The following SLCO3A1 variants were observed in gnomAD, a reference collection of about 807,000 sequenced individuals.
SLCO3A1 encodes solute carrier organic anion transporter family member 3A1, also known as PGE1 transporter.
SLCO3A1 carries 27 observed loss-of-function variants against 63.1 expected under a neutral mutation model. The observed-to-expected ratio is 0.43, with a 90% confidence interval of 0.32 to 0.59. The LOEUF is 0.59. Ranked by LOEUF, SLCO3A1 falls within the 20% of genes least tolerant of loss-of-function variation. The probability of loss-of-function intolerance (pLI) is 0.09; values close to 1 mark genes in which losing one functional copy is unlikely to be tolerated. For missense variants in SLCO3A1, 773 were observed against 945.8 expected, an observed-to-expected ratio of 0.82 and a Z score of 2.40; for synonymous variants, 473 against 409.9, an observed-to-expected ratio of 1.15 and a Z score of -1.86.
intron 2 of SLCO3A1, among the ~76,000 whole-genome samples, chr15:92,038,131 A>G (rs1165057752): frequency 1.3e-5 from 2 of 152,226 alleles, no homozygotes; most frequent in African/African-American, 4.8e-5. Flanking sequence ...AGGAAGCAGT[A>G]GAGAATGTGA....
At position 91,991,904 on chromosome 15, in the gene SLCO3A1, CA is replaced by C. The variant is rs544645719; in HGVS notation, c.646+75449del. ...TAGATAAGTTGAATTGGGGGTAATC[CA>C]AAGTCAAAGATAGTAAATCTGAGAA... is the stretch of plus-strand genomic sequence containing the variant. On this transcript the variant is annotated intron_variant, in intron 2 of 9. Transcript: ENST00000318445. Among the ~76,000 whole-genome samples the C allele has an allele frequency of 8.6e-5, 13 of 151,646 alleles. No homozygotes were observed. In the South Asian group the frequency reaches 2.7e-3, roughly 32 times the overall value.
intron 7 of SLCO3A1, among the ~76,000 whole-genome samples, chr15:92,144,371 TG>T (rs112691844): frequency 3.3e-5 from 5 of 152,316 alleles, no homozygotes; most frequent in African/African-American, 1.2e-4. Flanking sequence ...AGGCCAGTTA[TG>T]AGGAGATGCC....
At chr15:92,117,322 G>A (rs748048038) in intron 4 of SLCO3A1, among the ~76,000 whole-genome samples, 23 of 152,142 alleles carry the variant, frequency 1.5e-4, no homozygotes, top group Non-Finnish European at 2.1e-4. Flanking sequence ...GCCTCAGCCC[G>A]GCAGCAGTTT....
At chr15:91,958,716 T>A (rs1020720321) in intron 2 of SLCO3A1, among the ~76,000 whole-genome samples, 1 of 152,146 alleles carries the variant, frequency 6.6e-6, no homozygotes, top group African/African-American at 2.4e-5. Flanking sequence ...CACAATGATA[T>A]AGATACCACC....
chr15:91,988,116 C>T (rs957636004), intron 2 of SLCO3A1, among the ~76,000 whole-genome samples: 3 of 152,178 alleles, frequency 2.0e-5, no homozygotes, highest in African/African-American at 4.8e-5. Context: ...TGAAAAATGG[C>T]GTAGGGTTGG....
intron 2 of SLCO3A1, among the ~76,000 whole-genome samples, chr15:92,068,160 G>A (rs769053792): frequency 3.9e-5 from 6 of 152,196 alleles, no homozygotes; most frequent in East Asian, 1.9e-4. Context: ...ACTGCCAAGC[G>A]AAATCAGATG....
chr15:92,108,540 A>G (rs2047691700), intron 4 of SLCO3A1, among the ~76,000 whole-genome samples: 1 of 152,248 alleles, frequency 6.6e-6, no homozygotes, highest in Non-Finnish European at 1.5e-5. Flanking sequence ...GAGGGACTGT[A>G]ATAGACATAC....
chr15:91,880,098 T>TATCC (rs1555446359), intron 1 of SLCO3A1, among the ~76,000 whole-genome samples: 10,715 of 96,938 alleles, frequency 0.11, 661 homozygotes, highest in Admixed American at 0.14. Context: ...CTTGTATGTG[T>TATCC]GTCCGTCCGT....
chr15:92,061,445 C>G (rs2047085434), intron 2 of SLCO3A1, among the ~76,000 whole-genome samples: 1 of 152,212 alleles, frequency 6.6e-6, no homozygotes, highest in African/African-American at 2.4e-5. Context: ...GCATTTGATT[C>G]AAACTCCTAG....
rs2151351393 is a variant in SLCO3A1, at chr15:91,886,047, C to T, written c.181-29946C>T. Among the ~76,000 whole-genome samples the T allele has an allele frequency of 6.6e-6, 1 of 152,164 alleles. No individual in the cohort carries two copies. Among genetic ancestry groups the T allele is most frequent in the South Asian group, 2.1e-4 (1 of 4,814 alleles). On this transcript the variant is annotated intron_variant, in intron 1 of 9. Coordinates refer to ENST00000318445, the MANE Select transcript of SLCO3A1 (RefSeq NM_013272.4). This position sits in a 1 kb window ranked among gnomAD's most constrained non-coding sequence, Gnocchi z 4.9. ...ACCAGACCCGGCAGGCCCCTGTGAG[C>T]CACAGGGAGGCAGAGTTGGTCCCTT...
rs921815703 is a variant in SLCO3A1, at chr15:91,954,198, C to T, written c.646+37740C>T. Among the ~76,000 whole-genome samples, 1 of 152,142 alleles carries T rather than the reference C, an allele frequency of 6.6e-6. No individual in the cohort carries two copies. The highest frequency in any genetic ancestry group is 6.5e-5 in the Admixed American group (1 of 15,272). On this transcript the variant is annotated intron_variant, in intron 2 of 9. Coordinates refer to ENST00000318445, the MANE Select transcript of SLCO3A1 (RefSeq NM_013272.4). This position sits in a 1 kb window ranked among gnomAD's most constrained non-coding sequence, Gnocchi z 4.7. Reference sequence around the variant, plus strand: ...TCTGCTCAAGGGTGTTAGAGACAGACCCCTAGGGGTTTCTGAACCACGCAC... The same window carrying T: ...TCTGCTCAAGGGTGTTAGAGACAGATCCCTAGGGGTTTCTGAACCACGCAC...
chr15:92,160,595 T>C (rs2048423702), intron 9 of SLCO3A1, among the ~76,000 whole-genome samples: 1 of 152,178 alleles, frequency 6.6e-6, no homozygotes, highest in South Asian at 2.1e-4. Flanking sequence ...TAAATCGAGC[T>C]GCTTGGGAAG....
At chr15:91,999,795 G>A (rs1238204641) in intron 2 of SLCO3A1, among the ~76,000 whole-genome samples, 2 of 151,940 alleles carry the variant, frequency 1.3e-5, no homozygotes, top group Non-Finnish European at 2.9e-5. Flanking sequence ...CTGTCTCTGA[G>A]AAAAAAAATT....
intron 7 of SLCO3A1, among the ~76,000 whole-genome samples, chr15:92,135,569 T>A (rs1290362011): frequency 6.6e-6 from 1 of 152,206 alleles, no homozygotes; most frequent in Admixed American, 6.5e-5. Context: ...TGTCTGGAAA[T>A]ACCAGCTTTG....
intron 2 of SLCO3A1, among the ~76,000 whole-genome samples, chr15:92,035,640 C>G (rs768562861): frequency 6.6e-6 from 1 of 151,614 alleles, no homozygotes; most frequent in Non-Finnish European, 1.5e-5. Context: ...TAATTGCAAC[C>G]GTGAAGTGGC....
chr15:91,914,320 C>A (rs1479435207), intron 1 of SLCO3A1, among the ~76,000 whole-genome samples: 2 of 152,158 alleles, frequency 1.3e-5, no homozygotes, highest in East Asian at 3.9e-4. Flanking sequence ...TATTTTTAAT[C>A]TTCACATCCC....
At chr15:92,028,578 G>C (rs944568232) in intron 2 of SLCO3A1, among the ~76,000 whole-genome samples, 1 of 152,174 alleles carries the variant, frequency 6.6e-6, no homozygotes, top group Non-Finnish European at 1.5e-5. Context: ...CTGAGAGACA[G>C]TCTAACCCAG....
At chr15:92,071,069 CT>C (rs1332216740) in intron 2 of SLCO3A1, among the ~76,000 whole-genome samples, 1 of 152,176 alleles carries the variant, frequency 6.6e-6, no homozygotes. Flanking sequence ...GGGCATAGCT[CT>C]TTTGCCCCCT....
At chr15:91,899,459 TTACTC>T (rs1299760558) in intron 1 of SLCO3A1, among the ~76,000 whole-genome samples, 2 of 152,164 alleles carry the variant, frequency 1.3e-5, no homozygotes, top group Non-Finnish European at 2.9e-5. Context: ...AACATTCTAT[TTACTC>T]TATAAGATGT....
Sources: allele counts gnomAD v4.1 joint callset (sites outside exome capture counted in the v4.1 genomes callset), GRCh38; gene constraint gnomAD v4.1.1; non-coding constraint Gnocchi (gnomAD v3.1); transcripts MANE v1.5; gene names NCBI Gene and HGNC (gene_info 2026-07-23, HGNC 2026-07-21).